PLSCR5: variants seen among roughly 807,000 people sequenced by gnomAD.
The protein encoded by PLSCR5 is phospholipid scramblase family member 5, also known as phospholipid scramblase family, member 5.
A neutral mutation model predicts 33.6 loss-of-function variants in PLSCR5; 44 were observed. The observed-to-expected ratio is 1.31, with a 90% CI of 1.03 to 1.69. PLSCR5 has a LOEUF of 1.69. Among genes scored for constraint, PLSCR5 ranks in the 40% most tolerant of loss-of-function variants. The pLI is 0.00. For missense variants in PLSCR5, 375 were observed against 318.7 expected (o/e 1.18, Z -1.34); for synonymous variants, 148 against 112.3 (o/e 1.32, Z -2.01).
chr3:146,588,266 C>T (rs896452280), intron 6 of PLSCR5, among the ~76,000 whole-genome samples: 6 of 151,974 alleles, frequency 3.9e-5, no homozygotes, highest in South Asian at 2.1e-4. Flanking sequence ...GTCAGAAGAT[C>T]GAGACCATCC....
intron 2 of PLSCR5, among the ~76,000 whole-genome samples, chr3:146,596,391 A>G (rs112209842): frequency 0.038 from 5,747 of 152,188 alleles, 122 homozygotes; most frequent in Non-Finnish European, 0.049. Flanking sequence ...GGGTTTTGCC[A>G]TGTTGGCCAT....
intron 1 of PLSCR5, 36 bp downstream of exon 1, chr3:146,605,164 A>C (rs768180245): frequency 3.8e-6 from 6 of 1,585,584 alleles, no homozygotes; most frequent in Non-Finnish European, 5.2e-6. Context: ...GTCTTAATAT[A>C]AGAAAAAGTT....
chr3:146,589,807 G>A lies in PLSCR5; in HGVS notation c.623C>T (p.Thr208Ile), dbSNP rs2044698361. ...CCCAATTGTAAGCTTTTCATTAATG[G>A]TTTTCACCTTTAGAAAGAAAATAAG... The part of the protein sequence containing the change: ...CFGDVDFEVK[T>I]INEKLTIGKI... The change falls in exon 6 of 8, where the codon ACC becomes ATC. Residue 208 changes from threonine to isoleucine, a missense_variant. Transcript: ENST00000443512. 2.0e-6 allele frequency: 3 copies of A among 1,530,918 alleles called. No individual in the cohort carries two copies. Among genetic ancestry groups the A allele is most frequent in the Admixed American group, 1.8e-5 (1 of 55,518 alleles). 94.8% of individuals were successfully genotyped at this position (1,530,918 alleles called of 1,614,324 possible). A position where few individuals can be genotyped will look rare whatever the true frequency, so the allele number is the denominator to read the frequency against.
chr3:146,604,792 T>C (rs55775630), intron 1 of PLSCR5, among the ~76,000 whole-genome samples: 2 of 151,942 alleles, frequency 1.3e-5, no homozygotes, highest in Non-Finnish European at 2.9e-5. Context: ...AAATTTTTAA[T>C]ATTTTAATTA....
rs767664436 is a variant in PLSCR5, at chr3:146,591,752, T to G, written c.583A>C (p.Thr195Pro). Residue 195 changes from threonine to proline, a missense_variant, in exon 5 of 8, where the codon ACA becomes CCA. Thr to Pro is a conservative substitution (Grantham distance 38). Coordinates refer to ENST00000443512, the MANE Select transcript of PLSCR5 (RefSeq NM_001085420.2). ...DILKIVGPCV[T>P]CGCFGDVDFE... ...TCCACATCGCCAAAACAGCCACATG[T>G]CACACAAGGACCAACAATTTTCAAA... 9.2e-5 allele frequency: 149 copies of G among 1,611,584 alleles called. No homozygotes were observed. The South Asian group carries it at 1.6e-3, about 17-fold the overall frequency.
At chr3:146,580,717 C>T (rs915550017) in intron 7 of PLSCR5, among the ~76,000 whole-genome samples, 1 of 152,138 alleles carries the variant, frequency 6.6e-6, no homozygotes, top group African/African-American at 2.4e-5. Context: ...CCCGCCTTGG[C>T]CTCTCAAAGT....
chr3:146,605,091 A>C, intron 1 of PLSCR5, 109 bp downstream of exon 1: 1 of 1,146,650 alleles, frequency 8.7e-7, no homozygotes, highest in Non-Finnish European at 1.2e-6. Context: ...CAAAAGTGAC[A>C]AATGACAGCT....
intron 7 of PLSCR5, among the ~76,000 whole-genome samples, chr3:146,576,995 T>A (rs1017178036): frequency 2.7e-4 from 41 of 151,738 alleles, no homozygotes; most frequent in South Asian, 4.2e-4. Context: ...AGTCTTTTTT[T>A]AAAAAAAAGA....
Position 146,600,358 on chromosome 3 carries a change from A to G in PLSCR5, c.119T>C (p.Leu40Pro). The G allele has an allele frequency of 1.2e-6, 2 of 1,609,046 alleles. No homozygotes were observed. Among genetic ancestry groups the G allele is most frequent in the Non-Finnish European group, 1.7e-6 (2 of 1,177,354 alleles). Reference protein sequence around the residue: ...SSNPGNQAWQLSLPLPSSFLP... With the variant: ...SSNPGNQAWQPSLPLPSSFLP... ...GAAACTGCTTGGCAGAGGGAGACTC[A>G]GCTGCCATGCTTGGTTCCCTGGATT... is the stretch of plus-strand genomic sequence containing the variant. Residue 40 changes from leucine to proline, a missense_variant, in exon 2 of 8, where the codon CTG becomes CCG. Physicochemically the swap from Leu to Pro is moderately conservative, Grantham distance 98 (BLOSUM62 -3). Transcript: ENST00000443512.
chr3:146,594,555 C>T (rs1166699730), intron 3 of PLSCR5, among the ~76,000 whole-genome samples: 3 of 152,070 alleles, frequency 2.0e-5, no homozygotes, highest in South Asian at 4.2e-4. Context: ...CGCTATCCTG[C>T]TATTTCAATT....
In PLSCR5 at chr3:146,593,938, G is replaced by A. The variant is rs373040612; in HGVS notation, c.435C>T (p.Cys145=). ...AACTAACCTCTTGTAGGTAGCAAGGGCACCAGCAGCTGTTACATCTCAAGG... is the reference window on the plus strand; with the variant it reads ...AACTAACCTCTTGTAGGTAGCAAGGACACCAGCAGCTGTTACATCTCAAGG... The part of the protein sequence containing the change: ...NRPLRCNSCW[C]PCYLQELEIQ... Residue 145 remains cysteine, a synonymous_variant, in exon 4 of 8, where the codon TGC becomes TGT. Coordinates refer to ENST00000443512, the MANE Select transcript of PLSCR5 (RefSeq NM_001085420.2). 8.1e-6 allele frequency: 13 copies of A among 1,613,542 alleles called. 1 individual carries two copies. Among genetic ancestry groups the A allele is most frequent in the East Asian group, 4.5e-5 (2 of 44,864 alleles).
At chr3:146,596,657 G>A (rs1282808381) in intron 2 of PLSCR5, among the ~76,000 whole-genome samples, 2 of 152,016 alleles carry the variant, frequency 1.3e-5, no homozygotes, top group Non-Finnish European at 2.9e-5. Flanking sequence ...AAACTCACCA[G>A]TAACTATTAA....
Position 146,591,778 on chromosome 3 carries a change from A to G in PLSCR5, c.557T>C (p.Ile186Thr), listed in dbSNP as rs1412968715. The G allele has an allele frequency of 1.9e-6, 3 of 1,612,226 alleles. No individual in the cohort carries two copies. Among genetic ancestry groups the G allele is most frequent in the Admixed American group, 1.7e-5 (1 of 59,826 alleles). Residue 186 changes from isoleucine (I) to threonine (T), a missense_variant, in exon 5 of 8, where the codon ATT becomes ACT. Ile to Thr is a moderately conservative substitution (Grantham distance 89, BLOSUM62 -1). Transcript: ENST00000443512. ...CACACAAGGACCAACAATTTTCAAAATATCTTCTTTGTTTGCATTTTGGAT... is the reference window on the plus strand; with the variant it reads ...CACACAAGGACCAACAATTTTCAAAGTATCTTCTTTGTTTGCATTTTGGAT... Reference protein sequence around the residue: ...FTIQNANKEDILKIVGPCVTC... With the variant: ...FTIQNANKEDTLKIVGPCVTC...
At chr3:146,602,391 G>A (rs746697524) in intron 1 of PLSCR5, among the ~76,000 whole-genome samples, 53 of 152,100 alleles carry the variant, frequency 3.5e-4, no homozygotes, top group Admixed American at 1.2e-3. Context: ...GAAAAACATA[G>A]AAGCAAAATT....
intron 7 of PLSCR5, among the ~76,000 whole-genome samples, chr3:146,577,640 C>T (rs756976106): frequency 6.6e-6 from 1 of 152,016 alleles, no homozygotes; most frequent in Non-Finnish European, 1.5e-5. Context: ...ATTCAGTCTG[C>T]TCATTAAAAA....
At chr3:146,593,874 T>C (rs2044735064) in intron 4 of PLSCR5, 46 bp downstream of exon 4, 1 of 1,548,736 alleles carries the variant, frequency 6.5e-7, no homozygotes, top group Non-Finnish European at 8.9e-7. Context: ...AAGAAACAAA[T>C]GCTAATCTTA....
At chr3:146,582,837 A>G (rs1449989716), downstream of PLSCR5, among the ~76,000 whole-genome samples, 1 of 152,142 alleles carries the variant, frequency 6.6e-6, no homozygotes, top group Non-Finnish European at 1.5e-5. Flanking sequence ...TACTCCTGTA[A>G]ATACCATTAC....
intron 2 of PLSCR5, among the ~76,000 whole-genome samples, chr3:146,597,813 T>C (rs2044774341): frequency 6.6e-6 from 1 of 152,172 alleles, no homozygotes; most frequent in Admixed American, 6.6e-5. Flanking sequence ...ATTAGATGTA[T>C]GGCTTAATAA....
At chr3:146,589,391 G>A (rs1389747303) in intron 6 of PLSCR5, among the ~76,000 whole-genome samples, 1 of 152,076 alleles carries the variant, frequency 6.6e-6, no homozygotes, top group Non-Finnish European at 1.5e-5. Context: ...GGGGAAACTA[G>A]GTTTTAAAGA....
Sources: gnomAD v4.1 joint callset for allele counts (sites outside exome capture counted in the v4.1 genomes callset) on GRCh38, gnomAD v4.1.1 for gene constraint, MANE v1.5 for transcripts, NCBI Gene and HGNC (gene_info 2026-07-23, HGNC 2026-07-21) for gene names.